Variants in PDE4D observed in about 807,000 individuals in gnomAD.
PDE4D encodes the protein phosphodiesterase 4D.
PDE4D carries 24 observed loss-of-function variants against 87.4 expected under a neutral mutation model. The ratio of observed to expected loss-of-function variants is 0.27; its 90% CI spans 0.20 to 0.39. PDE4D has a LOEUF of 0.39. Among genes scored for constraint, PDE4D ranks in the 10% least tolerant of loss-of-function variants. The pLI is 1.00. For missense variants in PDE4D, 714 were observed against 1,041.0 expected, an observed-to-expected ratio of 0.69 and a Z score of 4.32; for synonymous variants, 384 against 383.2, an observed-to-expected ratio of 1.00 and a Z score of -0.02.
intron 1 of PDE4D, among the ~76,000 whole-genome samples, chr5:60,345,974 T>C (rs904396697): frequency 1.1e-4 from 16 of 148,924 alleles, no homozygotes; most frequent in Non-Finnish European, 2.1e-4. Context: ...AAACCTGTTT[T>C]CTTTTTTATA....
chr5:60,465,144 AAATTT>A (rs1747251150), intron 1 of PDE4D, among the ~76,000 whole-genome samples: 1 of 151,946 alleles, frequency 6.6e-6, no homozygotes, highest in African/African-American at 2.4e-5. Flanking sequence ...AATTAAATAA[AAATTT>A]AATTTATTAA....
chr5:59,344,404 ACTTTTT>A (rs942718774), intron 1 of PDE4D, among the ~76,000 whole-genome samples: 5 of 151,688 alleles, frequency 3.3e-5, no homozygotes, highest in Non-Finnish European at 5.9e-5. Flanking sequence ...AAAATTACAT[ACTTTTT>A]CTTTTTTTCA....
intron 2 of PDE4D, among the ~76,000 whole-genome samples, chr5:60,152,711 C>A (rs1489291678): frequency 1.3e-5 from 2 of 150,100 alleles, no homozygotes; most frequent in East Asian, 3.9e-4. Context: ...TCTGGGTTTT[C>A]TTTGTTGGGA....
rs1474192957 is a variant in PDE4D, at chr5:60,101,932, G to A, written c.42+83625C>T. Among the ~76,000 whole-genome samples the A allele has an allele frequency of 3.3e-5, 5 of 152,154 alleles. No individual in the cohort carries two copies. In the East Asian group the frequency reaches 7.7e-4, roughly 23 times the overall value. On this transcript the variant is annotated intron_variant, in intron 2 of 16. Coordinates refer to the PDE4D transcript ENST00000502484. ...TTTTCTGCTGCCACGAACACTGAAA[G>A]CTTCTTTCTGTCTGGGTCTTGGCAA...
At chr5:59,500,977 TTTC>T (rs1808197577) in intron 1 of PDE4D, among the ~76,000 whole-genome samples, 1 of 152,192 alleles carries the variant, frequency 6.6e-6, no homozygotes, top group African/African-American at 2.4e-5. Flanking sequence ...AACTAATTTT[TTTC>T]TTATTTAAAT....
chr5:60,115,771 T>C (rs1490783883), intron 2 of PDE4D, among the ~76,000 whole-genome samples: 1 of 152,144 alleles, frequency 6.6e-6, no homozygotes, highest in Non-Finnish European at 1.5e-5. Flanking sequence ...ACAATTCCAT[T>C]GTATTATAAT....
intron 3 of PDE4D, among the ~76,000 whole-genome samples, chr5:59,980,515 T>C (rs980072909): frequency 6.6e-6 from 1 of 152,216 alleles, no homozygotes; most frequent in African/African-American, 2.4e-5. Flanking sequence ...AACGCAGAAG[T>C]TGTCACCCTC....
intron 1 of PDE4D, among the ~76,000 whole-genome samples, chr5:60,300,788 T>C (rs566225439): frequency 6.6e-6 from 1 of 152,246 alleles, no homozygotes; most frequent in East Asian, 1.9e-4. Flanking sequence ...TCTTTTTCTT[T>C]TTGAGATGGA....
At chr5:60,194,493 A>G (rs1183087514) in intron 1 of PDE4D, among the ~76,000 whole-genome samples, 2 of 151,638 alleles carry the variant, frequency 1.3e-5, no homozygotes, top group Non-Finnish European at 3.0e-5. Flanking sequence ...CTGCATATCA[A>G]AATTAGCTAG....
At chr5:60,288,250 T>A (rs1384504635) in intron 1 of PDE4D, among the ~76,000 whole-genome samples, 1 of 152,240 alleles carries the variant, frequency 6.6e-6, no homozygotes, top group Non-Finnish European at 1.5e-5. Context: ...AATATACCGA[T>A]GATCTTACAT....
intron 1 of PDE4D, among the ~76,000 whole-genome samples, chr5:59,701,332 A>T (rs1752527914): frequency 6.6e-6 from 1 of 152,140 alleles, no homozygotes; most frequent in Non-Finnish European, 1.5e-5. Flanking sequence ...TTCCCTGATA[A>T]TCTACGTAAA....
chr5:60,245,371 T>C (rs768227268), intron 1 of PDE4D, among the ~76,000 whole-genome samples: 1 of 151,962 alleles, frequency 6.6e-6, no homozygotes, highest in Admixed American at 6.6e-5. Flanking sequence ...GAGAACAGTT[T>C]GGAGGTTCCT....
chr5:60,022,485 A>G (rs769087629), intron 2 of PDE4D: 1 of 152,172 alleles, frequency 6.6e-6, no homozygotes, highest in Non-Finnish European at 1.5e-5. Context: ...AATTTTTAAA[A>G]TGTGAAAACC....
intron 1 of PDE4D, among the ~76,000 whole-genome samples, chr5:59,811,955 C>T (rs1271805421): frequency 6.6e-6 from 1 of 152,186 alleles, no homozygotes; most frequent in Non-Finnish European, 1.5e-5. Flanking sequence ...CCCAGAAGTA[C>T]ATTACTTTCC....
chr5:59,413,457 C>CAAAAAAAAAAAAAAAAAAAAAAAAAAAA (rs34074485), intron 1 of PDE4D, among the ~76,000 whole-genome samples: 15 of 54,420 alleles, frequency 2.8e-4, no homozygotes, highest in African/African-American at 1.2e-3. Flanking sequence ...GACTCCATCT[C>CAAAAAAAAAAAAAAAAAAAAAAAAAAAA]AAAAAAAAAA....
At chr5:59,779,879 T>C (rs1390618959) in intron 1 of PDE4D, among the ~76,000 whole-genome samples, 1 of 152,228 alleles carries the variant, frequency 6.6e-6, no homozygotes, top group African/African-American at 2.4e-5. Flanking sequence ...TCAGCATTTT[T>C]AAATTTTAAT....
chr5:59,307,592 C>A (rs1395731832), intron 1 of PDE4D, among the ~76,000 whole-genome samples: 2 of 151,694 alleles, frequency 1.3e-5, no homozygotes, highest in African/African-American at 4.9e-5. Context: ...TTTATGCAGC[C>A]AAAAAACACA....
chr5:59,374,590 A>C (rs181025696), intron 1 of PDE4D, among the ~76,000 whole-genome samples: 1 of 152,340 alleles, frequency 6.6e-6, no homozygotes, highest in Admixed American at 6.5e-5. Context: ...GGAGACTTTA[A>C]CATATCACTG....
chr5:60,089,734 G>A lies in PDE4D; in HGVS notation c.42+95823C>T, dbSNP rs185118311. On this transcript the variant is annotated intron_variant, in intron 2 of 16. Coordinates refer to the PDE4D transcript ENST00000502484. Reference sequence around the variant, plus strand: ...AAATTTGAACTACAAAAATACAAAAGATCAACAAAATGTAGTTGGTTTTTT... The same window carrying A: ...AAATTTGAACTACAAAAATACAAAAAATCAACAAAATGTAGTTGGTTTTTT... Among the ~76,000 whole-genome samples, 557 of 149,716 alleles carry A rather than the reference G, an allele frequency of 3.7e-3. 2 individuals are homozygous for A. Among genetic ancestry groups the A allele is most frequent in the Admixed American group, 7.3e-3 (110 of 15,088 alleles).
Sources: allele counts gnomAD v4.1 joint callset (sites outside exome capture counted in the v4.1 genomes callset), GRCh38; gene constraint gnomAD v4.1.1; transcripts MANE v1.5; gene names NCBI Gene and HGNC (gene_info 2026-07-23, HGNC 2026-07-21).